Variants in MAPKBP1 observed in about 807,000 individuals in gnomAD.
MAPKBP1 encodes mitogen-activated protein kinase-binding protein 1.
MAPKBP1 carries 71 observed loss-of-function variants against 170.5 expected under a neutral mutation model. The ratio of observed to expected loss-of-function variants is 0.42; its 90% CI spans 0.34 to 0.51. The LOEUF (loss-of-function observed/expected upper bound fraction) is 0.51, where lower values mean the gene tolerates loss of function less well. Ranked by LOEUF, MAPKBP1 falls within the 20% of genes least tolerant of loss-of-function variation. MAPKBP1 has a pLI of 0.06. For synonymous variants in MAPKBP1, 719 were observed against 757.9 expected (o/e 0.95, Z 0.84); for missense variants, 1,598 against 1,933.0 (o/e 0.83, Z 3.25).
At chr15:41,782,092 C>CAAAAAA (rs58449893) in intron 2 of MAPKBP1, among the ~76,000 whole-genome samples, 1 of 111,208 alleles carries the variant, frequency 9.0e-6, no homozygotes, top group African/African-American at 3.5e-5. Context: ...ACTAAAAATA[C>CAAAAAA]AAAAAAAAAA....
Position 41,808,232 on chromosome 15 carries a change from C to T in MAPKBP1, c.207-2651C>T, listed in dbSNP as rs567536729. Among the ~76,000 whole-genome samples the T allele has an allele frequency of 3.4e-5, 5 of 145,796 alleles. No individual in the cohort carries two copies. The East Asian group carries it at 1.1e-3, about 31-fold the overall frequency. On this transcript the variant is annotated intron_variant, in intron 3 of 30. Coordinates refer to ENST00000457542, the MANE Select transcript of MAPKBP1 (RefSeq NM_014994.3). ...CGCCATTCTCCTGCCTCAGCCTCCC[C>T]AGTAGCTGGGACTACAGGTGCCCGC...
chr15:41,797,568 G>A (rs1052423713), intron 2 of MAPKBP1, among the ~76,000 whole-genome samples: 4 of 152,186 alleles, frequency 2.6e-5, no homozygotes, highest in African/African-American at 4.8e-5. Flanking sequence ...GTCAGTAATA[G>A]GTGACTAGAT....
Position 41,774,569 on chromosome 15 carries a change from C to G in MAPKBP1, c.-151C>G. 1 of 398,682 alleles carries G rather than the reference C, an allele frequency of 2.5e-6. No homozygotes were observed. The highest frequency in any genetic ancestry group is 4.4e-6 in the Non-Finnish European group (1 of 226,110). The allele number at this position is 398,682 out of a possible 1,614,324, so 24.7% of individuals were successfully genotyped here. On this transcript the variant is annotated 5_prime_UTR_variant, in exon 1 of 31. Transcript: ENST00000457542. ...AGCTGAAATTGCCGAACGCGATGCCCGAGGGCGCTGTGAGCGGGGTGGCCT... is the reference window on the plus strand; with the variant it reads ...AGCTGAAATTGCCGAACGCGATGCCGGAGGGCGCTGTGAGCGGGGTGGCCT...
intron 2 of MAPKBP1, among the ~76,000 whole-genome samples, chr15:41,781,003 G>A (rs2064176774): frequency 6.6e-6 from 1 of 151,724 alleles, no homozygotes; most frequent in African/African-American, 2.4e-5. Context: ...GCTCCTCCTA[G>A]ATTTCAAGGG....
chr15:41,811,031 C>A, intron 4 of MAPKBP1, 86 bp downstream of exon 4: 1 of 1,561,858 alleles, frequency 6.4e-7, no homozygotes, highest in Non-Finnish European at 8.8e-7. Flanking sequence ...GCTCTGGGGG[C>A]TGGGACCTGG....
Position 41,817,806 on chromosome 15 carries a change from G to A in MAPKBP1, c.1904+71G>A. 1 of 1,593,754 alleles carries A rather than the reference G, an allele frequency of 6.3e-7. No homozygotes were observed. The highest frequency in any genetic ancestry group is 8.6e-7 in the Non-Finnish European group (1 of 1,169,124). ...TACGGGGTCAGCTCTGTGCAGCTAA[G>A]TTCCCACATCTGTCGTTCTGTACAG... On this transcript the variant is annotated intron_variant, in intron 16 of 30. Coordinates refer to ENST00000457542, the MANE Select transcript of MAPKBP1 (RefSeq NM_014994.3). The surrounding 1 kb of genome is among the most constrained non-coding windows in gnomAD (Gnocchi z 4.2).
chr15:41,803,355 A>G (rs920202299), intron 3 of MAPKBP1, among the ~76,000 whole-genome samples: 3 of 142,844 alleles, frequency 2.1e-5, no homozygotes, highest in Non-Finnish European at 3.0e-5. Flanking sequence ...CGGTGGTTGC[A>G]GTGAGCCGAG....
In MAPKBP1 at chr15:41,783,780, C is replaced by T. The variant is rs565048891; in HGVS notation, c.114+8391C>T. On this transcript the variant is annotated intron_variant, in intron 2 of 30. Transcript: ENST00000457542. Reference sequence around the variant, plus strand: ...ATCCCAGCACTTTGGGAGGCCGAGGCGGGTGGATCACGAGATCAGGAGATC... The same window carrying T: ...ATCCCAGCACTTTGGGAGGCCGAGGTGGGTGGATCACGAGATCAGGAGATC... Among the ~76,000 whole-genome samples, 85 of 152,178 alleles carry T rather than the reference C, an allele frequency of 5.6e-4. 2 individuals carry two copies. The South Asian group carries it at 0.016, about 28-fold the overall frequency.
intron 2 of MAPKBP1, among the ~76,000 whole-genome samples, chr15:41,785,819 A>G (rs2064276847): frequency 6.6e-6 from 1 of 152,222 alleles, no homozygotes; most frequent in African/African-American, 2.4e-5. Flanking sequence ...ACTTTCTTAG[A>G]GGACAATTTG....
In MAPKBP1 at chr15:41,825,529, G is replaced by T; in HGVS notation, c.*93G>T. 8.5e-7 allele frequency: 1 copy of T among 1,170,800 alleles called. No homozygotes were observed. Among genetic ancestry groups the T allele is most frequent in the Non-Finnish European group, 1.2e-6 (1 of 837,584 alleles). The allele number at this position is 1,170,800 out of a possible 1,614,324, so 72.5% of individuals were successfully genotyped here. On this transcript the variant is annotated 3_prime_UTR_variant, in exon 31 of 31. Coordinates refer to ENST00000457542, the MANE Select transcript of MAPKBP1 (RefSeq NM_014994.3). ...ACCAAAACCTGCGGGGCTGCTTGGA[G>T]TGGAAAGCAGGGAGCAGTGTTCAGA...
Position 41,823,544 on chromosome 15 carries a change from T to C in MAPKBP1, c.3696T>C (p.Asp1232=), listed in dbSNP as rs766015345. Residue 1232 remains aspartate, a synonymous_variant, in exon 29 of 31, where the codon GAT becomes GAC. Transcript: ENST00000457542. ...QDGLGSLPPA[D]GRPSRPHSYQ... The stretch of plus-strand genomic sequence containing the variant: ...GTCTGGGCTCCCTGCCCCCAGCTGA[T>C]GGCCGTCCGTCTCGGCCTCACTCCT... The C allele has an allele frequency of 1.2e-6, 2 of 1,614,152 alleles. No individual in the cohort carries two copies. The highest frequency in any genetic ancestry group is 1.7e-6 in the Non-Finnish European group (2 of 1,180,008).
chr15:41,783,950 A>C (rs914588926), intron 2 of MAPKBP1, among the ~76,000 whole-genome samples: 1 of 152,014 alleles, frequency 6.6e-6, no homozygotes, highest in Admixed American at 6.6e-5. Flanking sequence ...CAGAGCTTAC[A>C]GTGAGCCGAG....
At position 41,812,578 on chromosome 15, in the gene MAPKBP1, G is replaced by T; in HGVS notation, c.561G>T (p.Glu187Asp). The T allele has an allele frequency of 1.2e-6, 2 of 1,614,116 alleles. No homozygotes were observed. Among genetic ancestry groups the T allele is most frequent in the Non-Finnish European group, 1.7e-6 (2 of 1,180,004 alleles). ...GGGTGACAGCAGTGTCCTTCTCTGA[G>T]GATTGCAGCTACTTTGTCACTGCAG... ...SSRVTAVSFS[E>D]DCSYFVTAGN... Residue 187 changes from glutamate (E) to aspartate (D), a missense_variant, in exon 7 of 31, where the codon GAG becomes GAT. Coordinates refer to ENST00000457542, the MANE Select transcript of MAPKBP1 (RefSeq NM_014994.3).
In MAPKBP1 at chr15:41,813,753, A is replaced by G; in HGVS notation, c.952A>G (p.Thr318Ala). Residue 318 changes from threonine (T) to alanine (A), a missense_variant, in exon 9 of 31, where the codon ACA (threonine) becomes GCA (alanine). This residue lies in a region of MAPKBP1 where 430 missense variants were observed against 617.2 expected (regional missense o/e 0.70). Coordinates refer to ENST00000457542, the MANE Select transcript of MAPKBP1 (RefSeq NM_014994.3). ...CTTGCCCCGACCCCATGCTCTGGGG[A>G]CAGACATTGCTAGCGTCACCGAGGC... ...STLPRPHALG[T>A]DIASVTEASR... 6.2e-7 allele frequency: 1 copy of G among 1,608,460 alleles called. No individual in the cohort carries two copies. Among genetic ancestry groups the G allele is most frequent in the Non-Finnish European group, 8.5e-7 (1 of 1,177,638 alleles).
intron 22 of MAPKBP1, 62 bp downstream of exon 22, chr15:41,819,712 C>A: frequency 6.5e-7 from 1 of 1,528,792 alleles, no homozygotes; most frequent in Non-Finnish European, 8.9e-7. Flanking sequence ...GCTGTGAGAA[C>A]AGGGCTCTCT....
chr15:41,803,774 G>C (rs137977796), intron 3 of MAPKBP1, among the ~76,000 whole-genome samples: 52 of 152,250 alleles, frequency 3.4e-4, no homozygotes, highest in Admixed American at 1.4e-3. Context: ...TGTGTGTAAT[G>C]GGGTTCTAAC....
rs376312779 is a variant in MAPKBP1, at chr15:41,800,351, C to G, written c.206+437C>G. Among the ~76,000 whole-genome samples the G allele has an allele frequency of 1.1e-4, 17 of 148,834 alleles. No individual in the cohort carries two copies. The East Asian group carries it at 2.9e-3, about 26-fold the overall frequency. On this transcript the variant is annotated intron_variant, in intron 3 of 30. Coordinates refer to ENST00000457542, the MANE Select transcript of MAPKBP1 (RefSeq NM_014994.3). ...TAGGACATTTTCATGACCTTGTTCCCTTTTTTTTTTGAGACAGGTTCTGGC... is the reference window on the plus strand; with the variant it reads ...TAGGACATTTTCATGACCTTGTTCCGTTTTTTTTTTGAGACAGGTTCTGGC...
chr15:41,786,777 A>AATATATATATATATATATATAT lies in MAPKBP1; in HGVS notation c.114+11394_114+11415dup. On this transcript the variant is annotated intron_variant, in intron 2 of 30. Transcript: ENST00000457542. ...CAGACTCCGTCTAAAAAAAAAAAAA[A>AATATATATATATATATATATAT]ATATATATATATATATATATATATA... is the stretch of plus-strand genomic sequence containing the variant. 1.5e-3 allele frequency among the ~76,000 whole-genome samples: 49 copies of AATATATATATATATATATATAT among 32,266 alleles called. 1 individual carries two copies. Among genetic ancestry groups the AATATATATATATATATATATAT allele is most frequent in the African/African-American group, 2.9e-3 (22 of 7,570 alleles). The allele number at this position is 32,266 out of a possible 152,430, so 21.2% of individuals were successfully genotyped here. A position where few individuals can be genotyped will look rare whatever the true frequency, so the allele number is the denominator to read the frequency against.
rs1012772711 is a variant in MAPKBP1, at chr15:41,778,178, AT to A, written c.114+2790del. Among the ~76,000 whole-genome samples, 7 of 152,252 alleles carry A rather than the reference AT, an allele frequency of 4.6e-5. 1 individual carries two copies. The highest frequency in any genetic ancestry group is 8.8e-5 in the Non-Finnish European group (6 of 68,048). On this transcript the variant is annotated intron_variant, in intron 2 of 30. Coordinates refer to ENST00000457542, the MANE Select transcript of MAPKBP1 (RefSeq NM_014994.3). ...AGATAGGCAGTAAGTACTAAAAAAA[AT>A]AAATGAGACTAATTTAAAGATGTCA... is the stretch of plus-strand genomic sequence containing the variant.
Sources: gnomAD v4.1 joint callset for allele counts (sites outside exome capture counted in the v4.1 genomes callset) on GRCh38, gnomAD v4.1.1 for gene constraint, gnomAD v4.1.1 regional missense constraint, Gnocchi (gnomAD v3.1) non-coding constraint, MANE v1.5 for transcripts, NCBI Gene and HGNC (gene_info 2026-07-23, HGNC 2026-07-21) for gene names.